The following THSD7B variants were observed in gnomAD, a reference collection of about 807,000 sequenced individuals.
THSD7B encodes thrombospondin type 1 domain containing 7B, also known as thrombospondin type-1 domain-containing protein 7B.
In THSD7B, 138 loss-of-function variants were observed where a neutral mutation model predicts 213.6. That is an observed-to-expected ratio of 0.65 (90% CI 0.56 to 0.74). THSD7B has a LOEUF of 0.74. Ranked by LOEUF, THSD7B falls within the 30% of genes least tolerant of loss-of-function variation. The probability of loss-of-function intolerance (pLI) is 0.00; values close to 1 mark genes in which losing one functional copy is unlikely to be tolerated. For missense variants in THSD7B, 1,931 were observed against 1,991.5 expected (o/e 0.97, Z 0.58); for synonymous variants, 742 against 687.0 (o/e 1.08, Z -1.25).
intron 7 of THSD7B, among the ~76,000 whole-genome samples, chr2:137,204,245 C>T (rs1680937045): frequency 6.6e-6 from 1 of 151,514 alleles, no homozygotes; most frequent in African/African-American, 2.4e-5. Context: ...TTTAACATTG[C>T]TATAAAGTAA....
chr2:136,995,931 G>A (rs751780519), intron 2 of THSD7B, among the ~76,000 whole-genome samples: 1 of 152,180 alleles, frequency 6.6e-6, no homozygotes, highest in Non-Finnish European at 1.5e-5. Flanking sequence ...GTTAATAACA[G>A]TGTATTCTGC....
intron 5 of THSD7B, among the ~76,000 whole-genome samples, chr2:137,133,619 T>C (rs1430313980): frequency 6.6e-5 from 10 of 152,164 alleles, no homozygotes; most frequent in Non-Finnish European, 1.5e-4. Context: ...TGAGCAGCAC[T>C]GTCCAGCAGA....
intron 4 of THSD7B, among the ~76,000 whole-genome samples, chr2:137,096,802 C>T (rs1688048265): frequency 6.6e-6 from 1 of 152,208 alleles, no homozygotes; most frequent in South Asian, 2.1e-4. Context: ...AAGACATTTA[C>T]TTTTTCAGTA....
intron 3 of THSD7B, among the ~76,000 whole-genome samples, chr2:137,066,618 T>C (rs1439669961): frequency 1.3e-5 from 2 of 152,082 alleles, no homozygotes; most frequent in Non-Finnish European, 2.9e-5. Context: ...CTTGAAATAA[T>C]TTTTTTCTTT....
At chr2:137,572,649 C>T in intron 17 of THSD7B, 93 bp downstream of exon 17, 1 of 1,316,742 alleles carries the variant, frequency 7.6e-7, no homozygotes, top group South Asian at 1.9e-5. Context: ...CCAAAGCATT[C>T]TTCTAGTAAC....
chr2:136,916,737 C>A (rs955476319), intron 2 of THSD7B, among the ~76,000 whole-genome samples: 1 of 152,158 alleles, frequency 6.6e-6, no homozygotes, highest in Non-Finnish European at 1.5e-5. Flanking sequence ...CCAGATAGTT[C>A]ATCAGTGTGA....
chr2:137,386,142 C>T (rs575884623), intron 12 of THSD7B, among the ~76,000 whole-genome samples: 15 of 152,186 alleles, frequency 9.9e-5, no homozygotes, highest in Non-Finnish European at 2.2e-4. Flanking sequence ...ACCACCTGGC[C>T]AAACTCATGC....
intron 20 of THSD7B, among the ~76,000 whole-genome samples, chr2:137,622,067 G>A (rs1682530272): frequency 6.6e-6 from 1 of 152,130 alleles, no homozygotes; most frequent in Non-Finnish European, 1.5e-5. Flanking sequence ...ATCCATTCAT[G>A]GGGGATCAGC....
intron 7 of THSD7B, among the ~76,000 whole-genome samples, chr2:137,220,337 TA>T (rs540733389): frequency 4.4e-4 from 66 of 150,428 alleles, no homozygotes; most frequent in African/African-American, 1.4e-3. Context: ...AACTCAACAA[TA>T]AAAAAAAATC....
intron 2 of THSD7B, among the ~76,000 whole-genome samples, chr2:136,973,414 A>G (rs1378536837): frequency 3.3e-5 from 5 of 152,178 alleles, no homozygotes; most frequent in Non-Finnish European, 1.5e-5. Context: ...TTTGGCAAAT[A>G]AATTTAGAGA....
intron 20 of THSD7B, among the ~76,000 whole-genome samples, chr2:137,627,120 G>C (rs1274089405): frequency 6.6e-6 from 1 of 152,142 alleles, no homozygotes; most frequent in Admixed American, 6.5e-5. Flanking sequence ...GTGAGAAAGA[G>C]AACAAGAGCA....
rs55814718 is a variant in THSD7B, at chr2:136,825,718, A to ATTTTTTTTTTTTTTTTTTTTTTT, written c.-35-56410_-35-56409insTTTTTTTTTTTTTTTTTTTTTTT. ...AGGTGCTCACTGCCATGCCTGGCTA[A>ATTTTTTTTTTTTTTTTTTTTTTT]TTTTTTTTTTTTTTTTAGATCTGGG... On this transcript the variant is annotated intron_variant, in intron 1 of 27. Coordinates refer to ENST00000409968, the MANE Select transcript of THSD7B (RefSeq NM_001316349.2). Among the ~76,000 whole-genome samples the ATTTTTTTTTTTTTTTTTTTTTTT allele has an allele frequency of 7.6e-3, 884 of 116,598 alleles. 61 individuals are homozygous for ATTTTTTTTTTTTTTTTTTTTTTT. Among genetic ancestry groups the ATTTTTTTTTTTTTTTTTTTTTTT allele is most frequent in the East Asian group, 0.025 (69 of 2,706 alleles). The allele number at this position is 116,598 out of a possible 152,430, so 76.5% of individuals were successfully genotyped here.
intron 14 of THSD7B, among the ~76,000 whole-genome samples, chr2:137,446,578 CAA>C (rs1452419715): frequency 2.0e-5 from 3 of 152,004 alleles, no homozygotes; most frequent in Admixed American, 2.0e-4. Flanking sequence ...TACAAAATTA[CAA>C]AGTTTGGTGT....
chr2:136,870,708 A>T (rs1178564394), intron 1 of THSD7B, among the ~76,000 whole-genome samples: 3 of 152,180 alleles, frequency 2.0e-5, no homozygotes, highest in Non-Finnish European at 4.4e-5. Context: ...TGCTTGAGGA[A>T]CAAGAAAGAG....
chr2:137,031,545 C>T (rs1468962729), intron 2 of THSD7B, among the ~76,000 whole-genome samples: 5 of 152,060 alleles, frequency 3.3e-5, no homozygotes, highest in African/African-American at 1.2e-4. Flanking sequence ...TTCATCGGTA[C>T]ATATCTAGGG....
chr2:137,620,101 G>A (rs1387396599), intron 19 of THSD7B, among the ~76,000 whole-genome samples: 3 of 152,150 alleles, frequency 2.0e-5, no homozygotes, highest in East Asian at 1.9e-4. Context: ...AAAAATAAAC[G>A]GTATCATCAA....
intron 15 of THSD7B, among the ~76,000 whole-genome samples, chr2:137,473,215 T>G (rs1688126000): frequency 6.6e-6 from 1 of 151,804 alleles, no homozygotes; most frequent in Non-Finnish European, 1.5e-5. Context: ...ATTATTTGTT[T>G]GTTTGTTTGT....
At chr2:136,961,109 AAAG>A (rs1253127662) in intron 2 of THSD7B, among the ~76,000 whole-genome samples, 1 of 149,320 alleles carries the variant, frequency 6.7e-6, no homozygotes, top group Non-Finnish European at 1.5e-5. Context: ...AAAAAAAAAA[AAAG>A]AGAAAATGTG....
At chr2:137,229,916 ATT>A (rs941954086) in intron 7 of THSD7B, among the ~76,000 whole-genome samples, 1 of 152,094 alleles carries the variant, frequency 6.6e-6, no homozygotes, top group African/African-American at 2.4e-5. Flanking sequence ...CTTCGCGTTT[ATT>A]TTTTTGTTTC....
Sources: allele counts gnomAD v4.1 joint callset (sites outside exome capture counted in the v4.1 genomes callset), GRCh38; gene constraint gnomAD v4.1.1; transcripts MANE v1.5; gene names NCBI Gene and HGNC (gene_info 2026-07-23, HGNC 2026-07-21).